ST6GALNAC5: variants seen among roughly 807,000 people sequenced by gnomAD.
ST6GALNAC5 encodes the protein ST6 N-acetylgalactosaminide alpha-2,6-sialyltransferase 5.
In ST6GALNAC5, 27 loss-of-function variants were observed where a neutral mutation model predicts 33.6. The ratio of observed to expected loss-of-function variants is 0.80; its 90% CI spans 0.59 to 1.11. The LOEUF is 1.11. Ranked by LOEUF, ST6GALNAC5 falls within the 50% of genes least tolerant of loss-of-function variation. The pLI is 0.00. For synonymous variants in ST6GALNAC5, 194 were observed against 171.2 expected (o/e 1.13, Z -1.04); for missense variants, 428 against 454.0 (o/e 0.94, Z 0.52).
intron 2 of ST6GALNAC5, among the ~76,000 whole-genome samples, chr1:76,996,668 A>C (rs939017445): frequency 6.6e-6 from 1 of 152,160 alleles, no homozygotes; most frequent in Non-Finnish European, 1.5e-5. Flanking sequence ...AGGAGGCTTA[A>C]ATTTTAGAAA....
intron 2 of ST6GALNAC5, among the ~76,000 whole-genome samples, chr1:76,971,292 T>G (rs1648746350): frequency 6.6e-6 from 1 of 152,148 alleles, no homozygotes; most frequent in Non-Finnish European, 1.5e-5. Flanking sequence ...AATCTTAGTT[T>G]CATGGCCGTG....
intron 4 of ST6GALNAC5, chr1:77,060,325 C>T (rs1003896675): frequency 6.6e-6 from 1 of 152,042 alleles, no homozygotes; most frequent in Non-Finnish European, 1.5e-5. Flanking sequence ...GTGGAAATTC[C>T]GCTGAGGTTT....
chr1:76,887,099 T>C (rs377263961), intron 2 of ST6GALNAC5, among the ~76,000 whole-genome samples: 14 of 152,296 alleles, frequency 9.2e-5, no homozygotes, highest in African/African-American at 3.1e-4. Context: ...CCAACTCTCA[T>C]ATCCATGGAG....
chr1:76,968,927 T>C (rs977812705), intron 2 of ST6GALNAC5, among the ~76,000 whole-genome samples: 2 of 152,248 alleles, frequency 1.3e-5, no homozygotes, highest in Non-Finnish European at 2.9e-5. Context: ...TTCTGGCTTG[T>C]AGAGTTTCTG....
At chr1:76,905,002 C>T (rs1646851677) in intron 2 of ST6GALNAC5, among the ~76,000 whole-genome samples, 1 of 152,012 alleles carries the variant, frequency 6.6e-6, no homozygotes, top group Admixed American at 6.5e-5. Flanking sequence ...TGACAGTGTT[C>T]TGTTTCTTGA....
At chr1:76,884,448 C>T (rs1653848770) in intron 2 of ST6GALNAC5, among the ~76,000 whole-genome samples, 1 of 151,430 alleles carries the variant, frequency 6.6e-6, no homozygotes, top group African/African-American at 2.4e-5. Context: ...ATTAAACTCT[C>T]CACCTGCAGG....
At chr1:76,927,262 A>G (rs1324444528) in intron 2 of ST6GALNAC5, among the ~76,000 whole-genome samples, 2 of 152,064 alleles carry the variant, frequency 1.3e-5, no homozygotes, top group Admixed American at 1.3e-4. Context: ...GTTCTAAAAA[A>G]TATTTTCATG....
At chr1:76,984,997 T>A (rs571115973) in intron 2 of ST6GALNAC5, among the ~76,000 whole-genome samples, 4 of 152,296 alleles carry the variant, frequency 2.6e-5, no homozygotes, top group African/African-American at 9.6e-5. Context: ...ATAAACTAGG[T>A]ATTGATGGAA....
chr1:77,050,915 A>G (rs1202884759), intron 4 of ST6GALNAC5, among the ~76,000 whole-genome samples: 1 of 152,226 alleles, frequency 6.6e-6, no homozygotes, highest in Non-Finnish European at 1.5e-5. Context: ...TCCTCCTGGC[A>G]TGTGCCCAGG....
intron 2 of ST6GALNAC5, among the ~76,000 whole-genome samples, chr1:76,973,204 T>C (rs981986686): frequency 6.6e-6 from 1 of 151,994 alleles, no homozygotes; most frequent in African/African-American, 2.4e-5. Context: ...TGTTTGTCAG[T>C]GTTCTTCAGA....
At chr1:76,897,529 G>A (rs897524083) in intron 2 of ST6GALNAC5, among the ~76,000 whole-genome samples, 3 of 152,128 alleles carry the variant, frequency 2.0e-5, no homozygotes, top group Non-Finnish European at 4.4e-5. Context: ...CATTAATCGG[G>A]GTAAAGGTGG....
intron 4 of ST6GALNAC5, among the ~76,000 whole-genome samples, chr1:77,057,024 C>T (rs1652421273): frequency 6.6e-6 from 1 of 152,140 alleles, no homozygotes; most frequent in Admixed American, 6.5e-5. Context: ...GTCACCAAGC[C>T]CCCAGAGCAA....
intron 2 of ST6GALNAC5, among the ~76,000 whole-genome samples, chr1:76,999,826 C>CTTTATT (rs1650076530): frequency 1.4e-5 from 2 of 138,110 alleles, no homozygotes; most frequent in Non-Finnish European, 3.3e-5. Flanking sequence ...GAACTCATCA[C>CTTTATT]TTTTTATGGC....
chr1:76,961,116 G>A (rs1198455725), intron 2 of ST6GALNAC5, among the ~76,000 whole-genome samples: 1 of 152,098 alleles, frequency 6.6e-6, no homozygotes, highest in African/African-American at 2.4e-5. Context: ...ATTAATTTGG[G>A]GAACTAATAA....
chr1:76,870,551 A>G (rs1166834986), intron 2 of ST6GALNAC5, among the ~76,000 whole-genome samples: 2 of 152,206 alleles, frequency 1.3e-5, no homozygotes, highest in South Asian at 2.1e-4. Flanking sequence ...AACAATGTTT[A>G]TTGACCACAA....
intron 2 of ST6GALNAC5, among the ~76,000 whole-genome samples, chr1:76,968,270 A>G (rs1648583869): frequency 6.6e-6 from 1 of 152,162 alleles, no homozygotes. Flanking sequence ...GTGTTCCTGT[A>G]TTGGGTGCAT....
chr1:76,916,725 A>T (rs1646979809), intron 2 of ST6GALNAC5, among the ~76,000 whole-genome samples: 1 of 152,136 alleles, frequency 6.6e-6, no homozygotes, highest in Non-Finnish European at 1.5e-5. Flanking sequence ...TGTGTTTACC[A>T]ATATAGAATA....
chr1:76,872,204 C>T (rs1238152853), intron 2 of ST6GALNAC5, among the ~76,000 whole-genome samples: 1 of 151,914 alleles, frequency 6.6e-6, no homozygotes. Context: ...AGTTCAGTTT[C>T]CAGTCTGGAT....
intron 2 of ST6GALNAC5, among the ~76,000 whole-genome samples, chr1:76,872,074 C>A (rs1213324444): frequency 1.0e-5 from 1 of 99,562 alleles, no homozygotes; most frequent in African/African-American, 5.2e-5. Context: ...AGCTAACACA[C>A]ACACACACAC....
Sources: gnomAD v4.1 joint callset for allele counts (sites outside exome capture counted in the v4.1 genomes callset) on GRCh38, gnomAD v4.1.1 for gene constraint, MANE v1.5 for transcripts, NCBI Gene and HGNC (gene_info 2026-07-23, HGNC 2026-07-21) for gene names.